The following VPS13B variants were observed in gnomAD, a reference collection of about 807,000 sequenced individuals.
The protein encoded by VPS13B is vacuolar protein sorting 13 homolog B.
Under a neutral mutation model 426.4 loss-of-function variants are expected in VPS13B, and 285 were observed. The ratio of observed to expected loss-of-function variants is 0.67; its 90% CI spans 0.61 to 0.74. VPS13B has a LOEUF of 0.74. Ranked by LOEUF, VPS13B falls within the 30% of genes least tolerant of loss-of-function variation. VPS13B has a pLI of 0.00. For synonymous variants in VPS13B, 1,676 were observed against 1,676.4 expected, an observed-to-expected ratio of 1.00 and a Z score of 0.01; for missense variants, 4,537 against 4,782.6, an observed-to-expected ratio of 0.95 and a Z score of 1.51.
chr8:99,182,516 C>T (rs1412187829), intron 16 of VPS13B, among the ~76,000 whole-genome samples: 3 of 151,638 alleles, frequency 2.0e-5, no homozygotes, highest in Non-Finnish European at 4.4e-5. Context: ...GTAAATTTTA[C>T]CTAAAGAAAA....
intron 21 of VPS13B, among the ~76,000 whole-genome samples, chr8:99,407,649 TATTA>T (rs771266803): frequency 2.9e-4 from 44 of 151,284 alleles, no homozygotes; most frequent in African/African-American, 7.5e-4. Flanking sequence ...TTTTTTTGCC[TATTA>T]ATTAATTAGT....
At chr8:99,029,899 A>C (rs1842424294) in intron 2 of VPS13B, among the ~76,000 whole-genome samples, 1 of 152,066 alleles carries the variant, frequency 6.6e-6, no homozygotes, top group South Asian at 2.1e-4. Context: ...TATTTTTAAA[A>C]TTCTCTTTGT....
At chr8:99,194,907 G>A (rs1243700738) in intron 17 of VPS13B, among the ~76,000 whole-genome samples, 2 of 151,912 alleles carry the variant, frequency 1.3e-5, no homozygotes, top group South Asian at 2.1e-4. Context: ...GTGCAGTGGC[G>A]CGATCTCGGC....
rs181612641 is a variant in VPS13B, at chr8:99,273,120, C to T, written c.2516-1078C>T. Among the ~76,000 whole-genome samples, 24 of 151,628 alleles carry T rather than the reference C, an allele frequency of 1.6e-4. 1 individual carries two copies. The highest frequency in any genetic ancestry group is 1.5e-3 in the Admixed American group (23 of 15,232). On this transcript the variant is annotated intron_variant, in intron 17 of 61. Transcript: ENST00000357162. ...ATTTTGTTTCTGTTTCCTCATTTCA[C>T]CTGACCAAAATATTTCAGAGAATTT...
intron 19 of VPS13B, among the ~76,000 whole-genome samples, chr8:99,355,364 G>A (rs1004255351): frequency 4.6e-5 from 7 of 152,066 alleles, no homozygotes; most frequent in East Asian, 3.9e-4. Flanking sequence ...AGGCCGAGGC[G>A]GGTAGATCAT....
intron 39 of VPS13B, among the ~76,000 whole-genome samples, chr8:99,736,100 A>G (rs1588666936): frequency 6.6e-6 from 1 of 152,166 alleles, no homozygotes; most frequent in South Asian, 2.1e-4. Flanking sequence ...GAACGTAGCA[A>G]TTGCTCAGTA....
At chr8:99,291,403 A>G (rs929220274) in intron 19 of VPS13B, among the ~76,000 whole-genome samples, 1 of 152,178 alleles carries the variant, frequency 6.6e-6, no homozygotes, top group Non-Finnish European at 1.5e-5. Flanking sequence ...CAGTTTGAAT[A>G]AAGAACTCAT....
At chr8:99,184,547 C>G (rs1229049331) in intron 16 of VPS13B, among the ~76,000 whole-genome samples, 1 of 152,032 alleles carries the variant, frequency 6.6e-6, no homozygotes, top group Non-Finnish European at 1.5e-5. Context: ...GGCAGCTTTT[C>G]TTATATTTTC....
chr8:99,674,254 A>T (rs1830831710), intron 35 of VPS13B, among the ~76,000 whole-genome samples: 1 of 151,984 alleles, frequency 6.6e-6, no homozygotes, highest in Admixed American at 6.6e-5. Flanking sequence ...TTTGCTTTAT[A>T]TATTTAGATG....
chr8:99,453,979 A>G (rs1460852716), intron 23 of VPS13B, among the ~76,000 whole-genome samples: 1 of 152,184 alleles, frequency 6.6e-6, no homozygotes, highest in Admixed American at 6.6e-5. Flanking sequence ...AGTATCATGC[A>G]TAATATTTTT....
At chr8:99,537,189 C>G (rs1018477118) in intron 30 of VPS13B, among the ~76,000 whole-genome samples, 3 of 151,950 alleles carry the variant, frequency 2.0e-5, no homozygotes, top group African/African-American at 7.2e-5. Context: ...TGTCTATCAT[C>G]AAAAATTTAG....
chr8:99,120,562 A>G (rs1847886518), intron 7 of VPS13B: 1 of 152,204 alleles, frequency 6.6e-6, no homozygotes, highest in Non-Finnish European at 1.5e-5. Flanking sequence ...GTACAACAGG[A>G]AAGGTATAAC....
chr8:99,583,176 C>T (rs1292882528), intron 33 of VPS13B, among the ~76,000 whole-genome samples: 1 of 152,128 alleles, frequency 6.6e-6, no homozygotes, highest in Admixed American at 6.5e-5. Flanking sequence ...TGTTAGTTCT[C>T]TAGACCTGCG....
chr8:99,836,572 C>T (rs982175151), intron 54 of VPS13B, among the ~76,000 whole-genome samples: 3 of 152,090 alleles, frequency 2.0e-5, no homozygotes, highest in African/African-American at 4.8e-5. Flanking sequence ...TCTCAAGTTT[C>T]GTTCATGTTT....
chr8:99,668,603 C>T (rs561315035), intron 35 of VPS13B, among the ~76,000 whole-genome samples: 2 of 152,068 alleles, frequency 1.3e-5, no homozygotes, highest in Non-Finnish European at 2.9e-5. Flanking sequence ...CCTAATGGTA[C>T]CTTAATAGAG....
In VPS13B at chr8:99,710,111, T is replaced by G. The variant is rs541750792; in HGVS notation, c.6455-7060T>G. 5.9e-5 allele frequency among the ~76,000 whole-genome samples: 9 copies of G among 152,308 alleles called. No homozygotes were observed. The South Asian group carries it at 1.9e-3, about 32-fold the overall frequency. ...TTTTGTCTTTACTGTTTTTGGAAAT[T>G]TAGGGAAAAAACTACAAGTACAGAA... On this transcript the variant is annotated intron_variant, in intron 36 of 61. Transcript: ENST00000357162.
intron 43 of VPS13B, among the ~76,000 whole-genome samples, chr8:99,790,371 A>G (rs762071782): frequency 2.0e-5 from 3 of 152,140 alleles, no homozygotes; most frequent in Non-Finnish European, 2.9e-5. Context: ...CTGTTTATTT[A>G]GTCTCCCTCA....
At chr8:99,719,849 G>T (rs1396505674) in intron 37 of VPS13B, among the ~76,000 whole-genome samples, 2 of 152,122 alleles carry the variant, frequency 1.3e-5, no homozygotes, top group Non-Finnish European at 2.9e-5. Flanking sequence ...CACAGAAGTT[G>T]GGAGCCTTCT....
At chr8:99,027,273 T>TTAC (rs1842189869) in intron 2 of VPS13B, among the ~76,000 whole-genome samples, 1 of 152,186 alleles carries the variant, frequency 6.6e-6, no homozygotes, top group Non-Finnish European at 1.5e-5. Context: ...CATTCAAGGT[T>TTAC]ATTATTGATA....
Sources: allele counts gnomAD v4.1 joint callset (sites outside exome capture counted in the v4.1 genomes callset), GRCh38; gene constraint gnomAD v4.1.1; transcripts MANE v1.5; gene names NCBI Gene and HGNC (gene_info 2026-07-23, HGNC 2026-07-21).